Variants in NSF observed in about 807,000 individuals in gnomAD.
NSF encodes the protein N-ethylmaleimide sensitive factor, vesicle fusing ATPase, also known as vesicle-fusing ATPase.
Under a neutral mutation model 50.3 loss-of-function variants are expected in NSF, and 14 were observed. That is an observed-to-expected ratio of 0.28 (90% confidence interval 0.18 to 0.44). The LOEUF (loss-of-function observed/expected upper bound fraction) is 0.44. Ranked by LOEUF, NSF falls within the 20% of genes least tolerant of loss-of-function variation. The probability of loss-of-function intolerance (pLI) is 1.00; values close to 1 mark genes in which losing one functional copy is unlikely to be tolerated. For missense variants in NSF, 218 were observed against 504.3 expected (o/e 0.43, Z 5.44); for synonymous variants, 109 against 175.7 (o/e 0.62, Z 3.00).
chr17:46,755,827 T>C lies in NSF; in HGVS notation c.*4T>C. ...TAGCCCCCTTGATTTTGATTGAAAA[T>C]GAACTATTTGAAACACACAGTGACC... is the stretch of plus-strand genomic sequence containing the variant. On this transcript the variant is annotated 3_prime_UTR_variant, in exon 21 of 21. Coordinates refer to ENST00000398238, the MANE Select transcript of NSF (RefSeq NM_006178.4). The C allele has an allele frequency of 1.9e-6, 3 of 1,611,832 alleles. No individual in the cohort carries two copies. Among genetic ancestry groups the C allele is most frequent in the Non-Finnish European group, 1.7e-6 (2 of 1,179,570 alleles).
At chr17:46,708,232 T>C (rs1235797920) in intron 13 of NSF, among the ~76,000 whole-genome samples, 2 of 152,120 alleles carry the variant, frequency 1.3e-5, no homozygotes, top group South Asian at 2.1e-4. Flanking sequence ...CTGGATCATA[T>C]AGTAATTCTA....
intron 13 of NSF, 141 bp from the exon 14 acceptor site, chr17:46,710,822 G>C: frequency 1.5e-6 from 1 of 678,378 alleles, no homozygotes; most frequent in Non-Finnish European, 2.2e-6. Flanking sequence ...AATTATACAA[G>C]TTGTTTTGCT....
chr17:46,679,054 T>G (rs927266277), intron 9 of NSF, among the ~76,000 whole-genome samples: 1 of 151,976 alleles, frequency 6.6e-6, no homozygotes, highest in Admixed American at 6.5e-5. Context: ...GTGATTCCAT[T>G]TATAGAGAGC....
At chr17:46,747,860 T>C (rs549471010) in intron 17 of NSF, among the ~76,000 whole-genome samples, 1 of 152,258 alleles carries the variant, frequency 6.6e-6, no homozygotes, top group South Asian at 2.1e-4. Flanking sequence ...GAAATGTATT[T>C]CCTAGAACTG....
At chr17:46,729,633 C>A (rs1341245430) in intron 17 of NSF, among the ~76,000 whole-genome samples, 20 of 152,106 alleles carry the variant, frequency 1.3e-4, no homozygotes, top group Admixed American at 1.3e-3. Flanking sequence ...CATGCTGTAA[C>A]CTTGAAAAAT....
intron 1 of NSF, among the ~76,000 whole-genome samples, chr17:46,605,124 T>G (rs1364628): frequency 0.32 from 9,543 of 29,822 alleles, 670 homozygotes; most frequent in South Asian, 0.53. Flanking sequence ...AAACATTTTT[T>G]AAAGAAACTA....
At chr17:46,610,027 T>TTCTTTCTTTCTTTCTCTC (rs774244394) in intron 1 of NSF, among the ~76,000 whole-genome samples, 27 of 109,538 alleles carry the variant, frequency 2.5e-4, no homozygotes, top group African/African-American at 8.2e-4. Context: ...CTTTCTTTCT[T>TTCTTTCTTTCTTTCTCTC]TCTCTCTCTC....
chr17:46,662,176 C>T (rs1555670438), intron 8 of NSF, among the ~76,000 whole-genome samples: 2 of 3,466 alleles, frequency 5.8e-4, no homozygotes, highest in Admixed American at 4.7e-3. Flanking sequence ...GGTTTCACCA[C>T]GTTGCCCAGG....
Position 46,757,154 on chromosome 17 carries a change from T to A in NSF, c.*1331T>A, listed in dbSNP as rs548579123. On this transcript the variant is annotated 3_prime_UTR_variant, in exon 21 of 21. Transcript: ENST00000398238. ...TGAGAAAGCAGATCATCTCCAAATC[T>A]TGCCATTTGTATACTTTTGGTGGAG... The A allele has an allele frequency of 6.6e-6, 1 of 152,246 alleles. No homozygotes were observed. The allele number at this position is 152,246 out of a possible 1,614,324, so 9.4% of individuals were successfully genotyped here. A position where few individuals can be genotyped will look rare whatever the true frequency, so the allele number is the denominator to read the frequency against.
rs1301094975 is a variant in NSF at position 46,673,911 on chromosome 17, GTGTGT to G, written c.746-502_746-498del. Among the ~76,000 whole-genome samples the G allele has an allele frequency of 7.3e-4, 4 of 5,482 alleles. 2 individuals carry two copies. The highest frequency in any genetic ancestry group is 2.5e-3 in the Non-Finnish European group (2 of 796). The allele number at this position is 5,482 out of a possible 152,430, so 3.6% of individuals were successfully genotyped here. ...TATGGCTGAATAGTATTCCATGGGG[GTGTGT>G]GTGTGTGTGTGTGTGTGTGTGTGTG... On this transcript the variant is annotated intron_variant, in intron 8 of 20. Transcript: ENST00000398238.
At chr17:46,680,373 GC>G (rs1441873017) in intron 9 of NSF, among the ~76,000 whole-genome samples, 1 of 150,828 alleles carries the variant, frequency 6.6e-6, no homozygotes, top group Admixed American at 6.6e-5. Context: ...GGCTGGCTGT[GC>G]CTTAAACGGA....
At chr17:46,749,709 C>G in intron 17 of NSF, 64 bp from the exon 18 acceptor site, 1 of 1,434,426 alleles carries the variant, frequency 7.0e-7, no homozygotes, top group Non-Finnish European at 9.4e-7. Context: ...TGTGTTCAAG[C>G]TTACTGTAGT....
chr17:46,708,454 A>G (rs1360498619), intron 13 of NSF, among the ~76,000 whole-genome samples: 1 of 148,556 alleles, frequency 6.7e-6, no homozygotes, highest in African/African-American at 2.5e-5. Context: ...GGTGATAAGT[A>G]TCTTTTCATA....
At chr17:46,736,072 T>C (rs1441031034) in intron 17 of NSF, among the ~76,000 whole-genome samples, 3 of 152,206 alleles carry the variant, frequency 2.0e-5, no homozygotes, top group African/African-American at 7.2e-5. Flanking sequence ...AGCTCCCACT[T>C]TGGAATGCCT....
intron 19 of NSF, among the ~76,000 whole-genome samples, chr17:46,755,091 T>C (rs1439093032): frequency 2.0e-5 from 3 of 152,274 alleles, no homozygotes; most frequent in Non-Finnish European, 4.4e-5. Flanking sequence ...TTGGGTCTTT[T>C]GGAACCCAGT....
intron 16 of NSF, among the ~76,000 whole-genome samples, chr17:46,727,317 T>G (rs1301666311): frequency 1.3e-5 from 2 of 152,298 alleles, no homozygotes; most frequent in South Asian, 2.1e-4. Flanking sequence ...GTTGTTAATT[T>G]TATTTCACTG....
intron 17 of NSF, among the ~76,000 whole-genome samples, chr17:46,743,549 T>G (rs1299047275): frequency 6.6e-6 from 1 of 152,248 alleles, no homozygotes; most frequent in Non-Finnish European, 1.5e-5. Context: ...TGATGGGGCC[T>G]CTACTTCTGT....
chr17:46,713,081 A>G (rs1184185275), intron 14 of NSF: 1 of 152,304 alleles, frequency 6.6e-6, no homozygotes, highest in Non-Finnish European at 1.5e-5. Flanking sequence ...TACATAGGCA[A>G]GTTCCATTTT....
intron 13 of NSF, among the ~76,000 whole-genome samples, chr17:46,707,015 C>T (rs1312230003): frequency 2.0e-5 from 3 of 148,710 alleles, no homozygotes; most frequent in Admixed American, 6.8e-5. Flanking sequence ...CATGCTTGGC[C>T]GATTTTTGTA....
Sources: allele counts gnomAD v4.1 joint callset (sites outside exome capture counted in the v4.1 genomes callset), GRCh38; gene constraint gnomAD v4.1.1; transcripts MANE v1.5; gene names NCBI Gene and HGNC (gene_info 2026-07-23, HGNC 2026-07-21).